Variants in TTYH3 observed in about 807,000 individuals in gnomAD.
TTYH3 encodes tweety family member 3, also known as protein tweety homolog 3.
TTYH3 carries 23 observed loss-of-function variants against 68.2 expected under a neutral mutation model. The observed-to-expected ratio is 0.34, with a 90% CI of 0.24 to 0.48. The LOEUF (loss-of-function observed/expected upper bound fraction) is 0.48. Ranked by LOEUF, TTYH3 falls within the 20% of genes least tolerant of loss-of-function variation. The probability of loss-of-function intolerance (pLI) is 0.99; values close to 1 mark genes in which losing one functional copy is unlikely to be tolerated. For synonymous variants in TTYH3, 360 were observed against 332.8 expected, an observed-to-expected ratio of 1.08 and a Z score of -0.89; for missense variants, 768 against 727.7, an observed-to-expected ratio of 1.06 and a Z score of -0.64.
intron 1 of TTYH3, among the ~76,000 whole-genome samples, chr7:2,633,558 G>A (rs992329947): frequency 2.6e-5 from 4 of 152,232 alleles, no homozygotes; most frequent in Non-Finnish European, 5.9e-5. Context: ...AAAATCTCAC[G>A]CCTGCGTTCT....
chr7:2,646,956 A>G lies in TTYH3; in HGVS notation c.227A>G (p.Glu76Gly). Residue 76 changes from glutamate to glycine, a missense_variant, in exon 2 of 14, where the codon GAG (glutamate) becomes GGG (glycine). Physicochemically the swap from Glu to Gly is moderately conservative, Grantham distance 98 (BLOSUM62 -2). Coordinates refer to ENST00000258796, the MANE Select transcript of TTYH3 (RefSeq NM_025250.3). ...CTGTGCTGCCGGCGGCGCAAGAGCG[A>G]GGAGCACCTGGACGCCGACTGCTGC... is the stretch of plus-strand genomic sequence containing the variant. ...FWLCCRRRKS[E>G]EHLDADCCCT... is the part of the protein sequence containing the mutation. 6.2e-7 allele frequency: 1 copy of G among 1,600,130 alleles called. No individual in the cohort carries two copies.
At position 2,663,602 on chromosome 7, in the gene TTYH3, G is replaced by A. The variant is rs1309325202; in HGVS notation, c.*1863G>A. 1 of 152,556 alleles carries A rather than the reference G, an allele frequency of 6.6e-6. No individual in the cohort carries two copies. Among genetic ancestry groups the A allele is most frequent in the African/African-American group, 2.4e-5 (1 of 41,450 alleles). 9.5% of individuals were successfully genotyped at this position (152,556 alleles called of 1,614,324 possible). On this transcript the variant is annotated 3_prime_UTR_variant, in exon 14 of 14. Transcript: ENST00000258796. Reference sequence around the variant, plus strand: ...AGCCAACCTGCCCAGTCTTTCCTCTGGGCTTGACCCGCCAGGGGAGTTCTC... The same window carrying A: ...AGCCAACCTGCCCAGTCTTTCCTCTAGGCTTGACCCGCCAGGGGAGTTCTC...
rs1036721627 is a variant in TTYH3 at position 2,661,857 on chromosome 7, G to A, written c.*118G>A. 28 of 1,112,822 alleles carry A rather than the reference G, an allele frequency of 2.5e-5. No individual in the cohort carries two copies. The highest frequency in any genetic ancestry group is 4.1e-5 in the Admixed American group (2 of 48,980). 68.9% of individuals were successfully genotyped at this position (1,112,822 alleles called of 1,614,324 possible). A position where few individuals can be genotyped will look rare whatever the true frequency, so the allele number is the denominator to read the frequency against. ...ACGCCGTGCCAGGCCTGCCCCAGAC[G>A]CGTCTGCAGGCCGCTTGCCCTCCTG... On this transcript the variant is annotated 3_prime_UTR_variant, in exon 14 of 14. Transcript: ENST00000258796.
chr7:2,660,401 G>A, intron 13 of TTYH3: 2 of 985,420 alleles, frequency 2.0e-6, no homozygotes, highest in Non-Finnish European at 2.4e-6. Context: ...GTGGCCAGCA[G>A]GCCCTGCCCT....
At chr7:2,658,831 A>G (rs891306366) in intron 12 of TTYH3, 109 bp from the exon 13 acceptor site, 15 of 1,052,726 alleles carry the variant, frequency 1.4e-5, no homozygotes, top group Non-Finnish European at 2.2e-5. Flanking sequence ...CCCCAGTGAG[A>G]ATGGATGTGC....
chr7:2,632,343 G>T, intron 1 of TTYH3, 65 bp downstream of exon 1: 1 of 1,414,950 alleles, frequency 7.1e-7, no homozygotes. Flanking sequence ...CCTCTCCCAG[G>T]GTCACGGCCC....
chr7:2,659,400 C>A (rs1786429022), intron 13 of TTYH3, among the ~76,000 whole-genome samples: 1 of 152,228 alleles, frequency 6.6e-6, no homozygotes. Context: ...GCACCAGGCC[C>A]TCCCTGGCCT....
At chr7:2,654,278 C>A (rs1179900991) in intron 9 of TTYH3, among the ~76,000 whole-genome samples, 1 of 152,018 alleles carries the variant, frequency 6.6e-6, no homozygotes, top group East Asian at 1.9e-4. Context: ...GCCTGCAATC[C>A]CAGCTGCACA....
At chr7:2,636,030 C>T (rs1317430391) in intron 1 of TTYH3, among the ~76,000 whole-genome samples, 5 of 152,228 alleles carry the variant, frequency 3.3e-5, no homozygotes, top group Admixed American at 2.6e-4. Context: ...CCCTCTGTTC[C>T]AGGCACTGTG....
intron 9 of TTYH3, among the ~76,000 whole-genome samples, chr7:2,654,396 C>T (rs1786275993): frequency 6.6e-6 from 1 of 151,980 alleles, no homozygotes; most frequent in Non-Finnish European, 1.5e-5. Context: ...CCCTGTCTCT[C>T]TCTCTCTTTC....
At chr7:2,658,888 T>G (rs1263936172) in intron 12 of TTYH3, 52 bp from the exon 13 acceptor site, 16 of 1,578,980 alleles carry the variant, frequency 1.0e-5, no homozygotes, top group Non-Finnish European at 1.4e-5. Flanking sequence ...GACCTGCAGC[T>G]GGGACTGCAT....
At chr7:2,656,033 C>T in intron 9 of TTYH3, 59 bp from the exon 10 acceptor site, 6 of 1,372,424 alleles carry the variant, frequency 4.4e-6, no homozygotes, top group Non-Finnish European at 5.0e-6. Flanking sequence ...TGGGGCGAGG[C>T]TGGCTCGAGG....
chr7:2,655,215 C>T (rs1786299961), intron 9 of TTYH3, among the ~76,000 whole-genome samples: 1 of 152,144 alleles, frequency 6.6e-6, no homozygotes, highest in Non-Finnish European at 1.5e-5. Context: ...GGTGTGATCT[C>T]AACTCACGGC....
intron 13 of TTYH3, chr7:2,660,544 C>G (rs1425188424): frequency 8.1e-6 from 8 of 985,248 alleles, no homozygotes; most frequent in Non-Finnish European, 9.6e-6. Context: ...GCGTCTGCCC[C>G]GTCCCGTCCA....
At chr7:2,633,639 A>G (rs945872764) in intron 1 of TTYH3, among the ~76,000 whole-genome samples, 5 of 152,250 alleles carry the variant, frequency 3.3e-5, no homozygotes, top group Admixed American at 2.0e-4. Context: ...AACTTATTCC[A>G]TGCTGATGGC....
intron 12 of TTYH3, 121 bp downstream of exon 12, chr7:2,658,580 G>C: frequency 7.7e-7 from 1 of 1,293,342 alleles, no homozygotes; most frequent in Non-Finnish European, 1.1e-6. Flanking sequence ...GGGCTGGGCA[G>C]CCCTGGCCTT....
intron 1 of TTYH3, among the ~76,000 whole-genome samples, chr7:2,637,995 G>A (rs557658451): frequency 5.9e-5 from 9 of 152,338 alleles, no homozygotes; most frequent in African/African-American, 1.2e-4. Context: ...GCCCCTAGCC[G>A]TTCTGCCCCC....
In TTYH3 at chr7:2,662,156, G is replaced by A. The variant is rs768166127; in HGVS notation, c.*417G>A. ...TTAGTTCACAGGCACGGCTGGGGCCGCTCTGTGCTGGCGCCTGCTGGCCAC... is the reference window on the plus strand; with the variant it reads ...TTAGTTCACAGGCACGGCTGGGGCCACTCTGTGCTGGCGCCTGCTGGCCAC... On this transcript the variant is annotated 3_prime_UTR_variant, in exon 14 of 14. Transcript: ENST00000258796. 81 of 355,832 alleles carry A rather than the reference G, an allele frequency of 2.3e-4. No individual in the cohort carries two copies. The highest frequency in any genetic ancestry group is 3.3e-4 in the Admixed American group (8 of 24,082). 22.0% of individuals were successfully genotyped at this position (355,832 alleles called of 1,614,324 possible).
At chr7:2,648,086 C>T (rs1252265443) in intron 5 of TTYH3, 32 bp downstream of exon 5, 1 of 1,592,334 alleles carries the variant, frequency 6.3e-7, no homozygotes, top group African/African-American at 1.3e-5. Context: ...CCCCGTGGGC[C>T]CAAAGCGGAG....
Sources: allele counts gnomAD v4.1 joint callset (sites outside exome capture counted in the v4.1 genomes callset), GRCh38; gene constraint gnomAD v4.1.1; transcripts MANE v1.5; gene names NCBI Gene and HGNC (gene_info 2026-07-23, HGNC 2026-07-21).